The following ABI1 variants were observed in gnomAD, a reference collection of about 807,000 sequenced individuals.
The protein encoded by ABI1 is abl interactor 1, also known as Abelson interactor 1.
ABI1 carries 14 observed loss-of-function variants against 54.6 expected under a neutral mutation model. The observed-to-expected ratio is 0.26, with a 90% confidence interval of 0.17 to 0.40. The LOEUF is 0.40. Among genes scored for constraint, ABI1 ranks in the 10% least tolerant of loss-of-function variants. The pLI, the probability that ABI1 is intolerant of heterozygous loss-of-function variation, is 1.00. For synonymous variants in ABI1, 194 were observed against 209.3 expected, an observed-to-expected ratio of 0.93 and a Z score of 0.63; for missense variants, 443 against 598.3, an observed-to-expected ratio of 0.74 and a Z score of 2.71.
intron 3 of ABI1, among the ~76,000 whole-genome samples, chr10:26,774,534 C>T (rs1230883107): frequency 6.6e-6 from 1 of 152,088 alleles, no homozygotes; most frequent in Non-Finnish European, 1.5e-5. Context: ...TGCTGGGATT[C>T]TCTTATACAT....
At chr10:26,760,943 T>TA (rs1564462116) in intron 7 of ABI1, among the ~76,000 whole-genome samples, 2 of 149,794 alleles carry the variant, frequency 1.3e-5, no homozygotes, top group African/African-American at 5.0e-5. Context: ...GTTTTTTTTT[T>TA]AATTTATTTT....
chr10:26,751,228 T>C (rs1415091020), intron 10 of ABI1, among the ~76,000 whole-genome samples: 1 of 152,196 alleles, frequency 6.6e-6, no homozygotes, highest in East Asian at 1.9e-4. Flanking sequence ...GGACCGTCCA[T>C]ATTTAGATAT....
chr10:26,821,763 C>T (rs986518772), intron 2 of ABI1, among the ~76,000 whole-genome samples: 9 of 149,804 alleles, frequency 6.0e-5, no homozygotes, highest in African/African-American at 2.0e-4. Context: ...CACGCCATTG[C>T]ACTCCAGCCT....
At chr10:26,818,631 C>CAAAAAAAAAAAAAAA (rs376157276) in intron 2 of ABI1, among the ~76,000 whole-genome samples, 38 of 73,054 alleles carry the variant, frequency 5.2e-4, no homozygotes, top group African/African-American at 1.7e-3. Flanking sequence ...GACCCCGTCA[C>CAAAAAAAAAAAAAAA]AAAAAAAAAA....
intron 1 of ABI1, among the ~76,000 whole-genome samples, chr10:26,833,894 A>G (rs1252499940): frequency 6.6e-6 from 1 of 152,188 alleles, no homozygotes; most frequent in Non-Finnish European, 1.5e-5. Context: ...CACCAAAAAA[A>G]CTAGAAGAGA....
intron 2 of ABI1, among the ~76,000 whole-genome samples, chr10:26,810,861 T>C (rs1213194191): frequency 6.7e-6 from 1 of 149,970 alleles, no homozygotes; most frequent in Non-Finnish European, 1.5e-5. Context: ...TTAGCCAAAA[T>C]GTGTTTCCTT....
At position 26,765,243 on chromosome 10, in the gene ABI1, T is replaced by C; in HGVS notation, c.795A>G (p.Thr265=). ...CTGGTCCAATAGTGGGTGGCGAAGG[T>C]GTAGGCACAGCAATGGGAATGCCAA... The part of the protein sequence containing the change: ...SSIGIPIAVP[T]PSPPTIGPAA... The change falls in exon 7 of 11, where the codon ACA becomes ACG. Residue 265 remains threonine, a synonymous_variant. Coordinates refer to ENST00000376140, the MANE Select transcript of ABI1 (RefSeq NM_001012750.3). The C allele has an allele frequency of 6.2e-7, 1 of 1,605,840 alleles. No individual in the cohort carries two copies. Among genetic ancestry groups the C allele is most frequent in the East Asian group, 2.2e-5 (1 of 44,682 alleles).
intron 3 of ABI1, among the ~76,000 whole-genome samples, chr10:26,771,803 T>G (rs1483331524): frequency 6.6e-6 from 1 of 152,110 alleles, no homozygotes; most frequent in Non-Finnish European, 1.5e-5. Context: ...TCTGAGCCAG[T>G]TAAGTCAAAA....
intron 2 of ABI1, among the ~76,000 whole-genome samples, chr10:26,783,217 T>G (rs1842349802): frequency 6.6e-6 from 1 of 152,142 alleles, no homozygotes. Flanking sequence ...AGACAAATAT[T>G]GTATGATTCC....
At chr10:26,811,387 G>A (rs551848175) in intron 2 of ABI1, among the ~76,000 whole-genome samples, 16 of 152,078 alleles carry the variant, frequency 1.1e-4, no homozygotes, top group Non-Finnish European at 2.2e-4. Flanking sequence ...TAAATTTACC[G>A]TGTTAATAAC....
chr10:26,787,861 G>GT (rs1169633620), intron 2 of ABI1, among the ~76,000 whole-genome samples: 1 of 147,008 alleles, frequency 6.8e-6, no homozygotes, highest in African/African-American at 2.5e-5. Flanking sequence ...AGACCCACTG[G>GT]TTAAAAAAAA....
intron 2 of ABI1, among the ~76,000 whole-genome samples, chr10:26,819,301 CA>C (rs1315434619): frequency 2.6e-5 from 4 of 152,020 alleles, no homozygotes; most frequent in Non-Finnish European, 5.9e-5. Flanking sequence ...TCATATCAGA[CA>C]AAGCAGATTT....
chr10:26,799,474 G>A (rs892014188), intron 2 of ABI1, among the ~76,000 whole-genome samples: 1 of 152,100 alleles, frequency 6.6e-6, no homozygotes, highest in Non-Finnish European at 1.5e-5. Context: ...CGGGGGAGGG[G>A]GGAAATTAGA....
At chr10:26,851,027 A>G (rs1251690577) in intron 1 of ABI1, among the ~76,000 whole-genome samples, 1 of 152,064 alleles carries the variant, frequency 6.6e-6, no homozygotes, top group East Asian at 1.9e-4. Context: ...TTAACTTCTC[A>G]AAAAAAGTAG....
chr10:26,826,434 C>T (rs1183433009), intron 1 of ABI1, among the ~76,000 whole-genome samples: 2 of 152,132 alleles, frequency 1.3e-5, no homozygotes, highest in Non-Finnish European at 2.9e-5. Context: ...AGAGCACAAG[C>T]AGAGCAGATT....
intron 2 of ABI1, among the ~76,000 whole-genome samples, chr10:26,809,012 G>A (rs1488701915): frequency 1.3e-5 from 2 of 151,814 alleles, no homozygotes; most frequent in African/African-American, 2.4e-5. Context: ...GCTCACGCCT[G>A]TAATCCCAGC....
intron 3 of ABI1, among the ~76,000 whole-genome samples, chr10:26,773,209 C>T (rs1174773103): frequency 4.2e-5 from 3 of 70,946 alleles, no homozygotes; most frequent in African/African-American, 2.6e-4. Flanking sequence ...ATGTCTAATG[C>T]TAATTCTTTT....
chr10:26,772,466 C>CA (rs1404493488), intron 3 of ABI1, among the ~76,000 whole-genome samples: 2 of 151,728 alleles, frequency 1.3e-5, no homozygotes, highest in Non-Finnish European at 2.9e-5. Context: ...GGATAAGAAA[C>CA]AAAAAAATTA....
In ABI1 at chr10:26,766,082, C is replaced by T. The variant is rs1199427802; in HGVS notation, c.720-764G>A. ...GTGGAAGTAAATTAAAAGGGTACTC[C>T]GTTCTAGTCTAAAATTAATATGAAA... On this transcript the variant is annotated intron_variant, in intron 6 of 10. Transcript: ENST00000376140. Among the ~76,000 whole-genome samples, 21 of 152,218 alleles carry T rather than the reference C, an allele frequency of 1.4e-4. 1 individual carries two copies. The highest frequency in any genetic ancestry group is 3.4e-3 in the Middle Eastern group (1 of 294).
Sources: gnomAD v4.1 joint callset for allele counts (sites outside exome capture counted in the v4.1 genomes callset) on GRCh38, gnomAD v4.1.1 for gene constraint, MANE v1.5 for transcripts, NCBI Gene and HGNC (gene_info 2026-07-23, HGNC 2026-07-21) for gene names.